CDC14A: variants seen among roughly 807,000 people sequenced by gnomAD.
The protein encoded by CDC14A is dual specificity protein phosphatase CDC14A.
CDC14A carries 53 observed loss-of-function variants against 74.4 expected under a neutral mutation model. The observed-to-expected ratio is 0.71, with a 90% CI of 0.57 to 0.89. The LOEUF (loss-of-function observed/expected upper bound fraction) is 0.89. Among genes scored for constraint, CDC14A ranks in the 40% least tolerant of loss-of-function variants. The pLI is 0.00. For missense variants in CDC14A, 646 were observed against 713.7 expected (o/e 0.91, Z 1.08); for synonymous variants, 247 against 258.4 (o/e 0.96, Z 0.43).
intron 4 of CDC14A, chr1:100,393,147 G>T (rs781612476): frequency 6.3e-5 from 95 of 1,518,280 alleles, no homozygotes; most frequent in Non-Finnish European, 8.7e-5. Flanking sequence ...TCTTACTACA[G>T]ATATCCAATT....
rs612683 is a variant in CDC14A at position 100,414,772 on chromosome 1, A to T, written c.310-9450A>T. Among the ~76,000 whole-genome samples the T allele has an allele frequency of 0.38, 57,905 of 152,016 alleles. 11,475 individuals are homozygous for T. Among genetic ancestry groups the T allele is most frequent in the East Asian group, 0.54 (2,754 of 5,144 alleles). ...ATAAATGTTCTACAGGGTTATATTT[A>T]GCTGCATGTTGTAACATAACAGTAT... On this transcript the variant is annotated intron_variant, in intron 4 of 15. Transcript: ENST00000336454.
intron 10 of CDC14A, among the ~76,000 whole-genome samples, chr1:100,472,040 A>G (rs561655133): frequency 2.0e-5 from 3 of 152,296 alleles, no homozygotes; most frequent in Admixed American, 6.5e-5. Flanking sequence ...GAAAACCACA[A>G]GAGTAGGAGA....
chr1:100,466,014 G>T (rs1320350818), intron 9 of CDC14A, among the ~76,000 whole-genome samples: 2 of 152,208 alleles, frequency 1.3e-5, no homozygotes, highest in Non-Finnish European at 2.9e-5. Context: ...GTTGTGGTAA[G>T]AGCTCCTAAC....
intron 5 of CDC14A, among the ~76,000 whole-genome samples, chr1:100,431,423 T>C (rs1321961028): frequency 3.3e-5 from 5 of 152,176 alleles, no homozygotes; most frequent in Non-Finnish European, 7.4e-5. Flanking sequence ...TTGATAAATA[T>C]GGTTTTGAAT....
intron 7 of CDC14A, among the ~76,000 whole-genome samples, chr1:100,453,771 C>T (rs1390962534): frequency 1.3e-5 from 2 of 152,174 alleles, no homozygotes; most frequent in Non-Finnish European, 2.9e-5. Context: ...TCCCAAGTAG[C>T]TGGGACTACA....
chr1:100,367,197 G>A (rs1260124119), intron 2 of CDC14A, among the ~76,000 whole-genome samples: 1 of 152,098 alleles, frequency 6.6e-6, no homozygotes, highest in Non-Finnish European at 1.5e-5. Flanking sequence ...CTATCCCCAG[G>A]TTGATGACCT....
At chr1:100,393,399 C>T (rs1657980167) in intron 4 of CDC14A, 1 of 830,510 alleles carries the variant, frequency 1.2e-6, no homozygotes, top group East Asian at 2.4e-5. Context: ...ACATTCTTGC[C>T]ATGCAGTAAT....
upstream of CDC14A, among the ~76,000 whole-genome samples, chr1:100,349,460 C>G (rs1650721458): frequency 1.3e-5 from 2 of 152,176 alleles, no homozygotes; most frequent in South Asian, 4.1e-4. Context: ...CTACAACCAA[C>G]AGGAACTTTG....
At chr1:100,496,574 C>T (rs900188007) in intron 13 of CDC14A, among the ~76,000 whole-genome samples, 2 of 152,176 alleles carry the variant, frequency 1.3e-5, no homozygotes, top group Non-Finnish European at 2.9e-5. Context: ...TCAGTGAGAG[C>T]AGCAGAGATG....
rs1211183675 is a variant in CDC14A, at chr1:100,517,197, A to T, written c.1756-1054A>T. Among the ~76,000 whole-genome samples the T allele has an allele frequency of 5.9e-5, 9 of 152,222 alleles. 1 individual carries two copies. The highest frequency in any genetic ancestry group is 1.5e-5 in the Non-Finnish European group (1 of 68,046). ...AATTCACTGCAGTTTTGAAGCTGAGAAAAGATAGCTTGAATCCTTTTGTAA... is the reference window on the plus strand; with the variant it reads ...AATTCACTGCAGTTTTGAAGCTGAGTAAAGATAGCTTGAATCCTTTTGTAA... On this transcript the variant is annotated intron_variant, in intron 15 of 15. Coordinates refer to ENST00000336454, the MANE Select transcript of CDC14A (RefSeq NM_003672.4).
intron 4 of CDC14A, among the ~76,000 whole-genome samples, chr1:100,410,948 C>T (rs1055287723): frequency 1.3e-5 from 2 of 152,190 alleles, no homozygotes; most frequent in African/African-American, 4.8e-5. Flanking sequence ...CTGACTTTTA[C>T]TGTGTTACTC....
intron 2 of CDC14A, among the ~76,000 whole-genome samples, chr1:100,371,906 G>C (rs1261833144): frequency 6.6e-6 from 1 of 152,112 alleles, no homozygotes; most frequent in African/African-American, 2.4e-5. Flanking sequence ...TTAGAAAAAA[G>C]GTTACCTTAA....
At chr1:100,434,042 C>T (rs550790463) in intron 5 of CDC14A, among the ~76,000 whole-genome samples, 1 of 152,274 alleles carries the variant, frequency 6.6e-6, no homozygotes, top group South Asian at 2.1e-4. Context: ...AAAATAAACA[C>T]TAAACACAAA....
At chr1:100,505,796 A>G (rs998629131) in intron 15 of CDC14A, among the ~76,000 whole-genome samples, 3 of 152,216 alleles carry the variant, frequency 2.0e-5, no homozygotes, top group African/African-American at 7.2e-5. Flanking sequence ...TGGGTAATTC[A>G]TAAAGAAAAA....
At chr1:100,501,886 A>G (rs1648772446) in intron 15 of CDC14A, among the ~76,000 whole-genome samples, 2 of 152,222 alleles carry the variant, frequency 1.3e-5, no homozygotes. Flanking sequence ...AAATTTAGAA[A>G]GTAAATACTA....
chr1:100,429,214 T>TAAATAAATAAATAAAGAAAG (rs1663326993), intron 5 of CDC14A, among the ~76,000 whole-genome samples: 1 of 146,406 alleles, frequency 6.8e-6, no homozygotes, highest in African/African-American at 2.6e-5. Context: ...AAAAAATAAA[T>TAAATAAATAAATAAAGAAAG]AAATAAATAA....
chr1:100,478,720 C>A (rs1669164816), intron 10 of CDC14A, among the ~76,000 whole-genome samples: 1 of 152,206 alleles, frequency 6.6e-6, no homozygotes, highest in Non-Finnish European at 1.5e-5. Context: ...TATGGTTGAA[C>A]TCTTTTTCAT....
At chr1:100,393,643 C>T in intron 4 of CDC14A, 4 of 596,836 alleles carry the variant, frequency 6.7e-6, no homozygotes, top group South Asian at 6.2e-5. Context: ...GCTTCATAAC[C>T]TTGATCAAAA....
intron 15 of CDC14A, among the ~76,000 whole-genome samples, chr1:100,509,553 C>G (rs933972573): frequency 7.9e-5 from 12 of 152,190 alleles, no homozygotes; most frequent in African/African-American, 2.9e-4. Flanking sequence ...TGTGTGTGCA[C>G]ATGTGTGTCA....
Sources: gnomAD v4.1 joint callset for allele counts (sites outside exome capture counted in the v4.1 genomes callset) on GRCh38, gnomAD v4.1.1 for gene constraint, MANE v1.5 for transcripts, NCBI Gene and HGNC (gene_info 2026-07-23, HGNC 2026-07-21) for gene names.